The following CTSC variants were observed in gnomAD, a reference collection of about 807,000 sequenced individuals.
The protein encoded by CTSC is dipeptidyl peptidase 1.
CTSC carries 37 observed loss-of-function variants against 40.9 expected under a neutral mutation model. That is an observed-to-expected ratio of 0.91 (90% CI 0.70 to 1.19). The LOEUF (loss-of-function observed/expected upper bound fraction) is 1.19. Among genes scored for constraint, CTSC ranks in the 50% most tolerant of loss-of-function variants. The pLI, the probability that CTSC is intolerant of heterozygous loss-of-function variation, is 0.00. For synonymous variants in CTSC, 232 were observed against 207.4 expected, an observed-to-expected ratio of 1.12 and a Z score of -1.02; for missense variants, 594 against 567.3, an observed-to-expected ratio of 1.05 and a Z score of -0.48.
chr11:88,333,181 G>C (rs1028711995), intron 2 of CTSC, among the ~76,000 whole-genome samples: 1 of 152,088 alleles, frequency 6.6e-6, no homozygotes, highest in Admixed American at 6.5e-5. Flanking sequence ...TTACATCTCT[G>C]GTAATTAAAT....
intron 3 of CTSC, among the ~76,000 whole-genome samples, chr11:88,310,374 G>T (rs1937725864): frequency 6.6e-6 from 1 of 152,060 alleles, no homozygotes; most frequent in African/African-American, 2.4e-5. Context: ...TCATACCTGT[G>T]TGCTAGATGC....
chr11:88,299,174 G>A (rs1432380052), intron 5 of CTSC: 1 of 152,070 alleles, frequency 6.6e-6, no homozygotes, highest in Non-Finnish European at 1.5e-5. Flanking sequence ...TCATGCCAAT[G>A]CTATCATGTG....
intron 2 of CTSC, chr11:88,326,018 C>G: frequency 9.5e-7 from 1 of 1,049,344 alleles, no homozygotes; most frequent in Non-Finnish European, 1.1e-6. Flanking sequence ...ACATACACTT[C>G]AAATCCTGAC....
At chr11:88,328,884 A>C (rs879497181) in intron 2 of CTSC, among the ~76,000 whole-genome samples, 3 of 152,176 alleles carry the variant, frequency 2.0e-5, no homozygotes, top group Non-Finnish European at 4.4e-5. Flanking sequence ...CCAGCCTCCC[A>C]AAGTGTTCTT....
intron 2 of CTSC, among the ~76,000 whole-genome samples, chr11:88,330,594 T>C (rs1241482490): frequency 6.6e-6 from 1 of 152,018 alleles, no homozygotes; most frequent in African/African-American, 2.4e-5. Flanking sequence ...GGTGATCGCC[T>C]GTCTCGGCCT....
chr11:88,324,876 C>A, intron 2 of CTSC: 1 of 985,294 alleles, frequency 1.0e-6, no homozygotes, highest in Non-Finnish European at 1.2e-6. Flanking sequence ...CCACTGTACT[C>A]TTAATTCATC....
intron 5 of CTSC, chr11:88,297,283 A>G (rs1414419898): frequency 6.6e-6 from 1 of 152,260 alleles, no homozygotes; most frequent in Non-Finnish European, 1.5e-5. Flanking sequence ...CCCATCCTTC[A>G]AATGACGGAA....
intron 4 of CTSC, among the ~76,000 whole-genome samples, chr11:88,307,175 T>C (rs1937650955): frequency 6.6e-6 from 1 of 152,204 alleles, no homozygotes; most frequent in Admixed American, 6.5e-5. Flanking sequence ...AAACATTGTA[T>C]TCTCTGAGAA....
chr11:88,296,043 T>C (rs760538422), intron 6 of CTSC, 90 bp downstream of exon 6: 2 of 1,371,150 alleles, frequency 1.5e-6, no homozygotes, highest in African/African-American at 2.9e-5. Context: ...CTGCGCTCTC[T>C]CTACTGCATC....
intron 2 of CTSC, among the ~76,000 whole-genome samples, chr11:88,318,062 A>G (rs1475199705): frequency 6.6e-6 from 1 of 152,174 alleles, no homozygotes; most frequent in Non-Finnish European, 1.5e-5. Context: ...TTGGGAACTG[A>G]AGTTATTTAT....
At chr11:88,296,990 C>T (rs866226236) in intron 5 of CTSC, 1 of 153,496 alleles carries the variant, frequency 6.5e-6, no homozygotes, top group African/African-American at 2.4e-5. Flanking sequence ...GGAAGAAGGA[C>T]CTGTGAATTC....
chr11:88,327,794 G>A, intron 2 of CTSC: 1 of 375,058 alleles, frequency 2.7e-6, no homozygotes, highest in Non-Finnish European at 5.0e-6. Context: ...AATGTGAACT[G>A]AACTTGAGTC....
intron 1 of CTSC, among the ~76,000 whole-genome samples, chr11:88,337,087 T>A (rs1938516275): frequency 6.6e-6 from 1 of 152,142 alleles, no homozygotes; most frequent in African/African-American, 2.4e-5. Context: ...AACTTCATGC[T>A]ATATCCTCGA....
At chr11:88,334,681 C>A in intron 2 of CTSC, 1 of 417,248 alleles carries the variant, frequency 2.4e-6, no homozygotes, top group African/African-American at 2.0e-5. Context: ...AGAATTTAGT[C>A]ATACTTACCA....
In CTSC at chr11:88,293,683, A is replaced by T. The variant is rs2134762173; in HGVS notation, c.*323T>A. The T allele has an allele frequency of 3.2e-6, 1 of 309,336 alleles. No individual in the cohort carries two copies. Among genetic ancestry groups the T allele is most frequent in the Admixed American group, 4.6e-5 (1 of 21,646 alleles). The allele number at this position is 309,336 out of a possible 1,614,324, so 19.2% of individuals were successfully genotyped here. The stretch of plus-strand genomic sequence containing the variant: ...GCCATTATTTTCTTGTGATTGGTAC[A>T]ATTTAAAAATAAGTCTATGTTTTCA... On this transcript the variant is annotated 3_prime_UTR_variant, in exon 7 of 7. Coordinates refer to ENST00000227266, the MANE Select transcript of CTSC (RefSeq NM_001814.6).
chr11:88,320,742 C>A, intron 2 of CTSC: 2 of 891,090 alleles, frequency 2.2e-6, no homozygotes, highest in South Asian at 1.0e-4. Context: ...GGCCTGAGGG[C>A]CCACCATAGC....
chr11:88,313,146 T>G (rs1414822685), intron 2 of CTSC, among the ~76,000 whole-genome samples: 1 of 152,212 alleles, frequency 6.6e-6, no homozygotes, highest in Non-Finnish European at 1.5e-5. Context: ...CTTGGCTCAC[T>G]GCAACTTGCA....
chr11:88,337,714 G>T lies in CTSC; in HGVS notation c.-42C>A, dbSNP rs1186048503. ...AAAAGAGGTGAAGAATTACCAGGAA[G>T]CCGAGCGCTGCGGGCTAGCGGTGAG... On this transcript the variant is annotated 5_prime_UTR_variant, in exon 1 of 7. Transcript: ENST00000227266. The T allele has an allele frequency of 6.5e-7, 1 of 1,549,720 alleles. No individual in the cohort carries two copies. The highest frequency in any genetic ancestry group is 2.4e-5 in the East Asian group (1 of 41,004).
intron 4 of CTSC, among the ~76,000 whole-genome samples, chr11:88,307,953 G>A (rs1389969200): frequency 1.3e-5 from 2 of 152,076 alleles, no homozygotes; most frequent in East Asian, 3.9e-4. Context: ...ATGGGAAACT[G>A]GAGTTTTATT....
Sources: allele counts gnomAD v4.1 joint callset (sites outside exome capture counted in the v4.1 genomes callset), GRCh38; gene constraint gnomAD v4.1.1; transcripts MANE v1.5; gene names NCBI Gene and HGNC (gene_info 2026-07-23, HGNC 2026-07-21).